The following MKKS variants were observed in gnomAD, a reference collection of about 807,000 sequenced individuals.
MKKS encodes MKKS centrosomal shuttling protein, also known as molecular chaperone MKKS.
In MKKS, 29 loss-of-function variants were observed where a neutral mutation model predicts 33.2. The observed-to-expected ratio is 0.87, with a 90% CI of 0.65 to 1.19. The LOEUF (loss-of-function observed/expected upper bound fraction) is 1.19. Among genes scored for constraint, MKKS ranks in the 50% most tolerant of loss-of-function variants. MKKS has a pLI of 0.00. For missense variants in MKKS, 661 were observed against 662.3 expected, an observed-to-expected ratio of 1.00 and a Z score of 0.02; for synonymous variants, 260 against 244.0, an observed-to-expected ratio of 1.07 and a Z score of -0.61.
chr20:10,420,380 T>C (rs2064971203), intron 2 of MKKS, 148 bp downstream of exon 2: 1 of 152,180 alleles, frequency 6.6e-6, no homozygotes, highest in Non-Finnish European at 1.5e-5. Context: ...TAGAAACAAC[T>C]GCAGAATAGT....
intron 1 of MKKS, among the ~76,000 whole-genome samples, chr20:10,423,339 T>G (rs2064994288): frequency 6.6e-6 from 1 of 152,076 alleles, no homozygotes; most frequent in African/African-American, 2.4e-5. Context: ...GAGGATCGCT[T>G]GGACCTTGGG....
At chr20:10,430,978 T>G (rs2065050260) in intron 1 of MKKS, among the ~76,000 whole-genome samples, 2 of 152,162 alleles carry the variant, frequency 1.3e-5, no homozygotes, top group African/African-American at 4.8e-5. Flanking sequence ...CCACCACAAA[T>G]TAGTTATGGT....
In MKKS at chr20:10,412,961, G is replaced by A. The variant is rs1321192032; in HGVS notation, c.554C>T (p.Thr185Ile). The change falls in exon 3 of 6, where the codon ACA (threonine) becomes ATA (isoleucine). Residue 185 changes from threonine (T) to isoleucine (I), a missense_variant. Thr to Ile is a moderately conservative substitution (Grantham distance 89). Transcript: ENST00000347364. ...SALILRAFLLTIPENAEGHII... is the reference protein window; with the variant it reads ...SALILRAFLLIIPENAEGHII... Reference sequence around the variant, plus strand: ...GTGGCCTTCAGCATTTTCTGGAATTGTAAGCAAAAAGGCTCTCAGGATCAA... The same window carrying A: ...GTGGCCTTCAGCATTTTCTGGAATTATAAGCAAAAAGGCTCTCAGGATCAA... The A allele has an allele frequency of 8.1e-6, 13 of 1,613,734 alleles. No homozygotes were observed. The highest frequency in any genetic ancestry group is 1.3e-5 in the African/African-American group (1 of 74,878).
intron 1 of MKKS, among the ~76,000 whole-genome samples, chr20:10,427,662 C>T (rs886267788): frequency 5.3e-5 from 8 of 152,320 alleles, no homozygotes; most frequent in African/African-American, 1.7e-4. Flanking sequence ...ACGTGGTCTT[C>T]AACTGTGCTA....
Position 10,412,516 on chromosome 20 carries a change from A to C in MKKS, c.985+14T>G. ...TATTAACTGTAAGAGGCAAAAGCAA[A>C]GAGTGATTTTTACCTGTCATTTTAG... On this transcript the variant is annotated intron_variant, in intron 3 of 5. Transcript: ENST00000347364. 1 of 1,612,454 alleles carries C rather than the reference A, an allele frequency of 6.2e-7. No homozygotes were observed. The highest frequency in any genetic ancestry group is 1.1e-5 in the South Asian group (1 of 91,062).
At chr20:10,429,574 C>T (rs898689076) in intron 1 of MKKS, among the ~76,000 whole-genome samples, 2 of 152,178 alleles carry the variant, frequency 1.3e-5, no homozygotes, top group Non-Finnish European at 2.9e-5. Context: ...GCTGTTCCAC[C>T]TGGATTTCCT....
intron 2 of MKKS, among the ~76,000 whole-genome samples, chr20:10,415,955 T>C (rs542768993): frequency 6.3e-4 from 96 of 151,966 alleles, no homozygotes; most frequent in African/African-American, 2.2e-3. Flanking sequence ...GGTCTAGACC[T>C]GAACAAAAGA....
At chr20:10,423,486 T>A (rs1568671508) in intron 1 of MKKS, among the ~76,000 whole-genome samples, 1 of 152,114 alleles carries the variant, frequency 6.6e-6, no homozygotes, top group African/African-American at 2.4e-5. Context: ...AAAATTGAGA[T>A]TTGTAACTCA....
Position 10,405,527 on chromosome 20 carries a change from CA to C in MKKS, c.1432del (p.Trp478GlyfsTer36). 2 of 1,614,158 alleles carry C rather than the reference CA, an allele frequency of 1.2e-6. No homozygotes were observed. Among genetic ancestry groups the C allele is most frequent in the Non-Finnish European group, 1.7e-6 (2 of 1,180,038 alleles). ...ILTDMKYGHLWSVQADSPCVA... is the reference protein window; with the variant it reads ...ILTDMKYGHLXSVQADSPCVA... ...ACAGGGAGAATCTGCCTGAACTGACCAAAGGTGTCCATACTTCATGTCAGTG... is the reference window on the plus strand; with the variant it reads ...ACAGGGAGAATCTGCCTGAACTGACCAAGGTGTCCATACTTCATGTCAGTG... On this transcript the variant is annotated frameshift_variant, in exon 6 of 6. Coordinates refer to ENST00000347364, the MANE Select transcript of MKKS (RefSeq NM_170784.3). LOFTEE classifies it high-confidence loss of function.
chr20:10,423,920 T>G (rs1164885513), intron 1 of MKKS, among the ~76,000 whole-genome samples: 1 of 152,234 alleles, frequency 6.6e-6, no homozygotes, highest in Non-Finnish European at 1.5e-5. Flanking sequence ...ATTGCTTTAA[T>G]GTTTACTGAA....
At chr20:10,411,267 T>C (rs562299462) in intron 3 of MKKS, among the ~76,000 whole-genome samples, 4 of 152,084 alleles carry the variant, frequency 2.6e-5, no homozygotes, top group Non-Finnish European at 5.9e-5. Flanking sequence ...ATTACAGGCA[T>C]GAGCCACCGC....
chr20:10,425,547 C>T (rs1177521619), intron 1 of MKKS, among the ~76,000 whole-genome samples: 1 of 152,174 alleles, frequency 6.6e-6, no homozygotes, highest in African/African-American at 2.4e-5. Context: ...ACTGGGAGAT[C>T]CAATTTGTGA....
chr20:10,424,950 G>A (rs1475501665), intron 1 of MKKS, among the ~76,000 whole-genome samples: 1 of 152,076 alleles, frequency 6.6e-6, no homozygotes, highest in African/African-American at 2.4e-5. Context: ...CTACTCGGGA[G>A]GCTGAGGCAG....
intron 1 of MKKS, among the ~76,000 whole-genome samples, chr20:10,423,280 A>G (rs2064993773): frequency 6.6e-6 from 1 of 152,114 alleles, no homozygotes; most frequent in Non-Finnish European, 1.5e-5. Flanking sequence ...TTAGCTGGGC[A>G]TGGTGGCGCA....
At chr20:10,426,821 A>G (rs1261169454) in intron 1 of MKKS, among the ~76,000 whole-genome samples, 4 of 152,234 alleles carry the variant, frequency 2.6e-5, no homozygotes, top group Non-Finnish European at 5.9e-5. Context: ...ATTAGAGGGC[A>G]AAAGAGTCTA....
chr20:10,412,592 T>C lies in MKKS; in HGVS notation c.923A>G (p.His308Arg), dbSNP rs967873180. ...HPSLKQFLNM[H>R]RIIAIDRIGV... is the part of the protein sequence containing the mutation. ...AATTCTGTCTATGGCAATAATACGA[T>C]GCATATTGAGAAACTGCTTCAAAGA... The change falls in exon 3 of 6, where the codon CAT becomes CGT. Residue 308 changes from histidine (H) to arginine (R), a missense_variant. Transcript: ENST00000347364. The C allele has an allele frequency of 9.3e-6, 15 of 1,613,976 alleles. No individual in the cohort carries two copies. The highest frequency in any genetic ancestry group is 5.3e-5 in the African/African-American group (4 of 74,940).
In MKKS at chr20:10,407,789, T is replaced by C. The variant is rs529129888; in HGVS notation, c.1162-63A>G. 2.0e-5 allele frequency: 25 copies of C among 1,257,792 alleles called. No individual in the cohort carries two copies. The South Asian group carries it at 2.8e-4, about 14-fold the overall frequency. 77.9% of individuals were successfully genotyped at this position (1,257,792 alleles called of 1,614,324 possible). On this transcript the variant is annotated intron_variant, in intron 4 of 5. Coordinates refer to ENST00000347364, the MANE Select transcript of MKKS (RefSeq NM_170784.3). ...CATCATATTAACACACAAAAAATCA[T>C]GCTCTCAAAGCATCATAGTGAATAC...
At chr20:10,419,936 A>G (rs1407052951) in intron 2 of MKKS, among the ~76,000 whole-genome samples, 1 of 152,218 alleles carries the variant, frequency 6.6e-6, no homozygotes, top group Admixed American at 6.5e-5. Context: ...GGATAAAGGG[A>G]GACAACTGCA....
intron 1 of MKKS, among the ~76,000 whole-genome samples, chr20:10,426,592 T>C (rs2065016107): frequency 6.6e-6 from 1 of 152,082 alleles, no homozygotes. Flanking sequence ...AGAGACGGGG[T>C]TTCACCATGT....
Sources: gnomAD v4.1 joint callset for allele counts (sites outside exome capture counted in the v4.1 genomes callset) on GRCh38, gnomAD v4.1.1 for gene constraint, MANE v1.5 for transcripts, NCBI Gene and HGNC (gene_info 2026-07-23, HGNC 2026-07-21) for gene names.